Variants in ANKS1A observed in about 807,000 individuals in gnomAD.
ANKS1A encodes the protein ankyrin repeat and sterile alpha motif domain containing 1A.
In ANKS1A, 55 loss-of-function variants were observed where a neutral mutation model predicts 120.3. That is an observed-to-expected ratio of 0.46 (90% CI 0.37 to 0.57). The LOEUF is 0.57. Among genes scored for constraint, ANKS1A ranks in the 20% least tolerant of loss-of-function variants. The pLI is 0.00. For missense variants in ANKS1A, 1,123 were observed against 1,480.3 expected, an observed-to-expected ratio of 0.76 and a Z score of 3.96; for synonymous variants, 590 against 604.7, an observed-to-expected ratio of 0.98 and a Z score of 0.36.
intron 1 of ANKS1A, among the ~76,000 whole-genome samples, chr6:34,943,906 C>A (rs1379614073): frequency 2.6e-5 from 4 of 152,088 alleles, no homozygotes; most frequent in African/African-American, 9.7e-5. Flanking sequence ...GGGTAAATAC[C>A]CAGGAGCATG....
At chr6:34,969,628 GAAT>G (rs1239757898) in intron 2 of ANKS1A, among the ~76,000 whole-genome samples, 3 of 152,126 alleles carry the variant, frequency 2.0e-5, no homozygotes, top group African/African-American at 4.8e-5. Context: ...ATAATGTGGT[GAAT>G]AATAATATTT....
chr6:35,040,589 C>T (rs1775406135), intron 11 of ANKS1A, among the ~76,000 whole-genome samples: 1 of 152,256 alleles, frequency 6.6e-6, no homozygotes, highest in African/African-American at 2.4e-5. Context: ...TGCCTGCCTA[C>T]ACACAGACAC....
Position 35,060,678 on chromosome 6 carries a change from G to A in ANKS1A, c.2184+425G>A, listed in dbSNP as rs1270445336. Among the ~76,000 whole-genome samples the A allele has an allele frequency of 6.6e-6, 1 of 152,198 alleles. No individual in the cohort carries two copies. The highest frequency in any genetic ancestry group is 1.5e-5 in the Non-Finnish European group (1 of 68,036). The stretch of plus-strand genomic sequence containing the variant: ...CCTGCCCAGCCAAGGCCCAGTGCCT[G>A]GGGTAGAGTCCAGAGTTACACAGCC... On this transcript the variant is annotated intron_variant, in intron 13 of 23. Coordinates refer to ENST00000360359, the MANE Select transcript of ANKS1A (RefSeq NM_015245.3). The surrounding 1 kb of genome is among the most constrained non-coding windows in gnomAD (Gnocchi z 4.5).
Position 34,956,010 on chromosome 6 carries a change from C to T in ANKS1A, c.198-11229C>T, listed in dbSNP as rs180795145. Among the ~76,000 whole-genome samples, 16 of 151,982 alleles carry T rather than the reference C, an allele frequency of 1.1e-4. 1 individual carries two copies. The highest frequency in any genetic ancestry group is 2.4e-4 in the African/African-American group (10 of 41,502). On this transcript the variant is annotated intron_variant, in intron 1 of 23. Coordinates refer to ENST00000360359, the MANE Select transcript of ANKS1A (RefSeq NM_015245.3). ...ACTGAGCACAGGATGGACTCATAAG[C>T]GGAAGTTCAAGGAAAATTTCTTAAA... is the stretch of plus-strand genomic sequence containing the variant.
downstream of ANKS1A, among the ~76,000 whole-genome samples, chr6:35,093,542 C>T (rs1380782898): frequency 2.0e-5 from 3 of 152,186 alleles, no homozygotes; most frequent in East Asian, 5.8e-4. Flanking sequence ...GCAAAATGCA[C>T]CTTTGAGAAA....
intron 1 of ANKS1A, among the ~76,000 whole-genome samples, chr6:34,903,189 A>G (rs920661068): frequency 6.6e-6 from 1 of 152,204 alleles, no homozygotes; most frequent in Non-Finnish European, 1.5e-5. Flanking sequence ...ACTGTAATCC[A>G]TAAAACCCAT....
At chr6:35,069,152 G>A (rs1776942863) in intron 13 of ANKS1A, among the ~76,000 whole-genome samples, 1 of 152,168 alleles carries the variant, frequency 6.6e-6, no homozygotes, top group African/African-American at 2.4e-5. Context: ...GTAAGCCCTG[G>A]GCCCTCTGCC....
rs540725975 is a variant in ANKS1A, at chr6:34,991,603, C to CAT, written c.1302+2295_1302+2296dup. 7.4e-5 allele frequency among the ~76,000 whole-genome samples: 11 copies of CAT among 147,652 alleles called. No homozygotes were observed. The South Asian group carries it at 1.9e-3, about 26-fold the overall frequency. On this transcript the variant is annotated intron_variant, in intron 9 of 23. Coordinates refer to ENST00000360359, the MANE Select transcript of ANKS1A (RefSeq NM_015245.3). ...ACATATACACATATATATATACACACATATATATACGTATATACACACACA... is the reference window on the plus strand; with the variant it reads ...ACATATACACATATATATATACACACATATATATATACGTATATACACACACA...
chr6:34,935,687 A>G (rs1769211135), intron 1 of ANKS1A, among the ~76,000 whole-genome samples: 1 of 152,212 alleles, frequency 6.6e-6, no homozygotes, highest in African/African-American at 2.4e-5. Flanking sequence ...TAAAAGCTTC[A>G]TTGGTACTTA....
intron 10 of ANKS1A, among the ~76,000 whole-genome samples, chr6:35,004,701 AGCCAGGGGT>A (rs1773360759): frequency 6.6e-6 from 1 of 151,852 alleles, no homozygotes; most frequent in Admixed American, 6.6e-5. Context: ...GCTTACTTGA[AGCCAGGGGT>A]TCAAGACCAA....
At chr6:34,984,935 T>C in intron 7 of ANKS1A, 147 bp from the exon 8 acceptor site, 1 of 676,086 alleles carries the variant, frequency 1.5e-6, no homozygotes, top group Non-Finnish European at 2.5e-6. Context: ...TACGTATTCT[T>C]GTCCATGGAA....
chr6:35,021,810 AC>A (rs763719484), intron 11 of ANKS1A, among the ~76,000 whole-genome samples: 1 of 151,838 alleles, frequency 6.6e-6, no homozygotes, highest in Non-Finnish European at 1.5e-5. Flanking sequence ...ACATGGTGAA[AC>A]CCCCTCTCTA....
In ANKS1A at chr6:35,081,244, AT is replaced by A; in HGVS notation, c.2709+87del. On this transcript the variant is annotated intron_variant, in intron 17 of 23. Coordinates refer to ENST00000360359, the MANE Select transcript of ANKS1A (RefSeq NM_015245.3). ...GCCTCCCAGAACCACCTGCTGCCCC[AT>A]ACTTGAGCACAGTTGGGCTGGCACC... is the stretch of plus-strand genomic sequence containing the variant. 4 of 1,446,820 alleles carry A rather than the reference AT, an allele frequency of 2.8e-6. 1 individual carries two copies. In the South Asian group the frequency reaches 5.6e-5, roughly 20 times the overall value. 89.6% of individuals were successfully genotyped at this position (1,446,820 alleles called of 1,614,324 possible). A position where few individuals can be genotyped will look rare whatever the true frequency, so the allele number is the denominator to read the frequency against.
chr6:35,078,198 A>G (rs1777465855), intron 13 of ANKS1A, among the ~76,000 whole-genome samples: 1 of 152,082 alleles, frequency 6.6e-6, no homozygotes, highest in African/African-American at 2.4e-5. Context: ...TCTAAGAGGA[A>G]CCTTAGGATG....
the ANKS1A span, among the ~76,000 whole-genome samples, chr6:35,097,151 C>T: frequency 1.3e-5 from 2 of 152,072 alleles, no homozygotes; most frequent in Non-Finnish European, 2.9e-5. Context: ...GTTTGTCTAA[C>T]AACCACTTAA....
chr6:35,022,596 G>A (rs548103205), intron 11 of ANKS1A, among the ~76,000 whole-genome samples: 2 of 152,334 alleles, frequency 1.3e-5, no homozygotes, highest in Admixed American at 1.3e-4. Context: ...CCAAACTTCA[G>A]TAGTTATTTT....
chr6:34,923,369 GC>G (rs1768537894), intron 1 of ANKS1A, among the ~76,000 whole-genome samples: 1 of 152,174 alleles, frequency 6.6e-6, no homozygotes, highest in Non-Finnish European at 1.5e-5. Context: ...GCCAATGAAG[GC>G]TTTTTCGTCT....
At chr6:35,077,283 G>A (rs1777416368) in intron 13 of ANKS1A, among the ~76,000 whole-genome samples, 1 of 151,992 alleles carries the variant, frequency 6.6e-6, no homozygotes, top group Middle Eastern at 3.2e-3. Context: ...AGTAGCTGAA[G>A]TTGGAGCAAA....
chr6:35,055,834 T>C (rs1259042198), intron 12 of ANKS1A, among the ~76,000 whole-genome samples: 1 of 152,244 alleles, frequency 6.6e-6, no homozygotes. Context: ...TGGATTATGC[T>C]GGAGTCTGCA....
Sources: allele counts gnomAD v4.1 joint callset (sites outside exome capture counted in the v4.1 genomes callset), GRCh38; gene constraint gnomAD v4.1.1; non-coding constraint Gnocchi (gnomAD v3.1); transcripts MANE v1.5; gene names NCBI Gene and HGNC (gene_info 2026-07-23, HGNC 2026-07-21).